PCDH7: variants seen among roughly 807,000 people sequenced by gnomAD.
PCDH7 encodes protocadherin 7.
PCDH7 carries 17 observed loss-of-function variants against 58.9 expected under a neutral mutation model. That is an observed-to-expected ratio of 0.29 (90% confidence interval 0.20 to 0.43). The LOEUF is 0.43. Among genes scored for constraint, PCDH7 ranks in the 20% least tolerant of loss-of-function variants. The probability of loss-of-function intolerance (pLI) is 1.00; values close to 1 mark genes in which losing one functional copy is unlikely to be tolerated. For missense variants in PCDH7, 1,274 were observed against 1,441.0 expected (o/e 0.88, Z 1.88); for synonymous variants, 664 against 616.4 (o/e 1.08, Z -1.14).
chr4:30,941,698 T>A (rs1054620429), intron 2 of PCDH7, among the ~76,000 whole-genome samples: 1 of 151,956 alleles, frequency 6.6e-6, no homozygotes, highest in African/African-American at 2.4e-5. Flanking sequence ...CTGTGTTGAT[T>A]ACTCCACAAC....
intron 1 of PCDH7, among the ~76,000 whole-genome samples, chr4:30,765,800 C>G (rs1720666490): frequency 6.6e-6 from 1 of 152,030 alleles, no homozygotes; most frequent in Non-Finnish European, 1.5e-5. Context: ...GAAGAAGGCA[C>G]CAAAGGATTT....
chr4:31,144,317 G>A (rs1354558978), downstream of PCDH7: 2 of 152,186 alleles, frequency 1.3e-5, no homozygotes, highest in African/African-American at 4.8e-5. Context: ...ATTTTTCACA[G>A]AATGTATATC....
intron 1 of PCDH7, among the ~76,000 whole-genome samples, chr4:30,758,940 G>GTTT (rs11463767): frequency 0.014 from 1,676 of 124,098 alleles, 90 homozygotes; most frequent in African/African-American, 0.045. Flanking sequence ...TTGAAGAAGT[G>GTTT]TTTTTTTTTT....
intron 3 of PCDH7, among the ~76,000 whole-genome samples, chr4:31,066,160 A>G (rs948699871): frequency 5.3e-5 from 8 of 151,888 alleles, no homozygotes; most frequent in African/African-American, 1.7e-4. Context: ...ACTCTGTGGC[A>G]TTGGTAATGC....
chr4:30,822,433 A>C (rs1389774485), intron 1 of PCDH7, among the ~76,000 whole-genome samples: 1 of 152,088 alleles, frequency 6.6e-6, no homozygotes, highest in Non-Finnish European at 1.5e-5. Context: ...ACAGAGTAAC[A>C]GTGAGCTGCG....
At chr4:31,075,916 A>G (rs1052704206) in intron 3 of PCDH7, among the ~76,000 whole-genome samples, 14 of 152,302 alleles carry the variant, frequency 9.2e-5, no homozygotes, top group Non-Finnish European at 1.9e-4. Flanking sequence ...TAAACCAGAA[A>G]GGATGTAAAG....
intron 1 of PCDH7, among the ~76,000 whole-genome samples, chr4:30,812,651 T>G (rs1727175729): frequency 6.6e-6 from 1 of 152,172 alleles, no homozygotes; most frequent in African/African-American, 2.4e-5. Flanking sequence ...CATTTCAGCT[T>G]TAATCAAATT....
At chr4:30,819,650 G>A (rs537726584) in intron 1 of PCDH7, among the ~76,000 whole-genome samples, 313 of 152,272 alleles carry the variant, frequency 2.1e-3, no homozygotes, top group African/African-American at 7.0e-3. Context: ...CTAAGTTAAA[G>A]TTGGTTATGA....
rs111603964 is a variant in PCDH7, at chr4:31,134,677, A to G, written c.*8-7796A>G. Among the ~76,000 whole-genome samples the G allele has an allele frequency of 1.4e-4, 21 of 152,230 alleles. 1 individual carries two copies. The highest frequency in any genetic ancestry group is 4.6e-4 in the African/African-American group (19 of 41,550). ...ACAACAAAGATCAATTACTTCTCAC[A>G]TTTCTGTGGATTGACTACATGGTTT... On this transcript the variant is annotated intron_variant, in intron 3 of 3. Coordinates refer to the PCDH7 transcript ENST00000509759.
chr4:31,140,369 G>C (rs1430121634), intron 3 of PCDH7, among the ~76,000 whole-genome samples: 1 of 151,850 alleles, frequency 6.6e-6, no homozygotes, highest in Non-Finnish European at 1.5e-5. Context: ...GACAATTCAG[G>C]GTCATTTCTG....
At chr4:30,897,436 T>C (rs931923791) in intron 1 of PCDH7, among the ~76,000 whole-genome samples, 1 of 152,206 alleles carries the variant, frequency 6.6e-6, no homozygotes, top group Non-Finnish European at 1.5e-5. Context: ...AAGTTTTTTT[T>C]AAGGTTTTCC....
intron 3 of PCDH7, among the ~76,000 whole-genome samples, chr4:31,078,579 C>T (rs1759203795): frequency 6.8e-6 from 1 of 147,350 alleles, no homozygotes; most frequent in South Asian, 2.2e-4. Context: ...AATGCTCCTG[C>T]TTTGGCTCCC....
At chr4:31,013,345 C>G (rs1392070235) in intron 3 of PCDH7, among the ~76,000 whole-genome samples, 1 of 137,662 alleles carries the variant, frequency 7.3e-6, no homozygotes, top group Non-Finnish European at 1.6e-5. Flanking sequence ...TACTATATAT[C>G]TGTGTATGTA....
intron 3 of PCDH7, among the ~76,000 whole-genome samples, chr4:31,048,456 C>G (rs1560601980): frequency 6.6e-6 from 1 of 152,056 alleles, no homozygotes; most frequent in Non-Finnish European, 1.5e-5. Flanking sequence ...TATTTTTAGT[C>G]TTCAGGCTTG....
At chr4:30,848,196 G>A (rs528295842) in intron 1 of PCDH7, among the ~76,000 whole-genome samples, 14 of 152,106 alleles carry the variant, frequency 9.2e-5, no homozygotes, top group African/African-American at 2.7e-4. Flanking sequence ...AGATAGCATC[G>A]GCAATCTGAA....
At chr4:30,996,941 C>T (rs1038919223) in intron 3 of PCDH7, among the ~76,000 whole-genome samples, 1 of 152,098 alleles carries the variant, frequency 6.6e-6, no homozygotes, top group African/African-American at 2.4e-5. Flanking sequence ...AATGATTTAA[C>T]TAGACTTAGG....
intron 1 of PCDH7, among the ~76,000 whole-genome samples, chr4:30,859,096 T>G (rs1733860332): frequency 6.6e-6 from 1 of 152,202 alleles, no homozygotes; most frequent in African/African-American, 2.4e-5. Flanking sequence ...TGTTCTTAAC[T>G]ATTGCTACTC....
intron 1 of PCDH7, chr4:30,724,819 A>T: frequency 7.2e-7 from 1 of 1,381,188 alleles, no homozygotes; most frequent in Non-Finnish European, 9.4e-7. Flanking sequence ...AACTACTGAA[A>T]GAAGTATTCA....
rs200660343 is a variant in PCDH7 at position 30,981,455 on chromosome 4, T to G, written c.*7+31240T>G. ...GAATTTGATGGGTAGCACATGAAGC[T>G]TTGAGCTGCATGAAAAAATATCATG... On this transcript the variant is annotated intron_variant, in intron 3 of 3. Coordinates refer to the PCDH7 transcript ENST00000509759. Among the ~76,000 whole-genome samples, 30 of 152,296 alleles carry G rather than the reference T, an allele frequency of 2.0e-4. No individual in the cohort carries two copies. The East Asian group carries it at 5.2e-3, about 27-fold the overall frequency.
Sources: allele counts gnomAD v4.1 joint callset (sites outside exome capture counted in the v4.1 genomes callset), GRCh38; gene constraint gnomAD v4.1.1; transcripts MANE v1.5; gene names NCBI Gene and HGNC (gene_info 2026-07-23, HGNC 2026-07-21).